The following CTNNA3 variants were observed in gnomAD, a reference collection of about 807,000 sequenced individuals.
CTNNA3 encodes catenin alpha 3, also known as catenin alpha-3.
In CTNNA3, 76 loss-of-function variants were observed where a neutral mutation model predicts 95.7. The observed-to-expected ratio is 0.79, with a 90% CI of 0.66 to 0.96. The LOEUF is 0.96. Ranked by LOEUF, CTNNA3 falls within the 40% of genes least tolerant of loss-of-function variation. The pLI is 0.00. For missense variants in CTNNA3, 1,191 were observed against 1,089.8 expected (o/e 1.09, Z -1.31); for synonymous variants, 431 against 374.4 (o/e 1.15, Z -1.74).
At chr10:67,435,043 T>C (rs937757657) in intron 5 of CTNNA3, among the ~76,000 whole-genome samples, 3 of 152,064 alleles carry the variant, frequency 2.0e-5, no homozygotes, top group East Asian at 1.9e-4. Flanking sequence ...CTGCTCCATG[T>C]TCTACAATTT....
chr10:67,633,505 T>C (rs980188152), intron 2 of CTNNA3, among the ~76,000 whole-genome samples: 2 of 152,146 alleles, frequency 1.3e-5, no homozygotes, highest in Non-Finnish European at 2.9e-5. Flanking sequence ...GTACCCCCAC[T>C]GGGACAGAGC....
At chr10:67,018,480 C>T (rs1350230979) in intron 7 of CTNNA3, among the ~76,000 whole-genome samples, 1 of 152,174 alleles carries the variant, frequency 6.6e-6, no homozygotes, top group Admixed American at 6.5e-5. Flanking sequence ...CATAAAAAAT[C>T]TAGTACAACT....
chr10:67,288,894 T>C (rs1839712539), intron 5 of CTNNA3, among the ~76,000 whole-genome samples: 1 of 151,866 alleles, frequency 6.6e-6, no homozygotes. Flanking sequence ...AACCCAGGAG[T>C]TCAAGGTTAT....
chr10:66,726,358 A>G (rs964579133), intron 9 of CTNNA3, among the ~76,000 whole-genome samples: 3 of 152,100 alleles, frequency 2.0e-5, no homozygotes, highest in African/African-American at 7.2e-5. Flanking sequence ...CAACTTATTA[A>G]TACATAAAAT....
chr10:66,201,051 T>C (rs2087369188), intron 13 of CTNNA3, among the ~76,000 whole-genome samples: 1 of 152,190 alleles, frequency 6.6e-6, no homozygotes, highest in Non-Finnish European at 1.5e-5. Context: ...TAACAGCACT[T>C]ATCACTCAGT....
At chr10:67,530,173 T>C (rs984660262) in intron 4 of CTNNA3, among the ~76,000 whole-genome samples, 2 of 152,166 alleles carry the variant, frequency 1.3e-5, no homozygotes, top group African/African-American at 4.8e-5. Flanking sequence ...ACTAATACAG[T>C]AAATTGGTAC....
intron 7 of CTNNA3, among the ~76,000 whole-genome samples, chr10:67,137,711 G>C (rs760837737): frequency 2.6e-5 from 4 of 151,858 alleles, no homozygotes; most frequent in Non-Finnish European, 5.9e-5. Flanking sequence ...AATTGTGTAG[G>C]CTTGGTAAAG....
intron 9 of CTNNA3, among the ~76,000 whole-genome samples, chr10:66,702,943 C>T (rs1350748843): frequency 2.6e-5 from 4 of 152,068 alleles, no homozygotes; most frequent in Non-Finnish European, 5.9e-5. Context: ...ACTATTATCA[C>T]AATCAACTTG....
At chr10:66,404,259 G>A (rs2093040660) in intron 11 of CTNNA3, among the ~76,000 whole-genome samples, 1 of 152,028 alleles carries the variant, frequency 6.6e-6, no homozygotes, top group African/African-American at 2.4e-5. Context: ...CCACCAAATT[G>A]TCCATTAAAA....
intron 12 of CTNNA3, among the ~76,000 whole-genome samples, chr10:66,360,635 C>CTTTCTTTCTTTCTTCCTTCCTTCCTTCCT (rs1564895970): frequency 5.2e-4 from 29 of 55,398 alleles, no homozygotes; most frequent in African/African-American, 1.5e-3. Flanking sequence ...TTCTTTCTTT[C>CTTTCTTTCTTTCTTCCTTCCTTCCTTCCT]TTTCTTTCTT....
At chr10:66,118,440 CAT>C (rs995444988) in intron 13 of CTNNA3, 3 of 152,190 alleles carry the variant, frequency 2.0e-5, no homozygotes, top group African/African-American at 7.2e-5. Context: ...CTAATAATAA[CAT>C]ATACTATTCT....
At position 67,460,442 on chromosome 10, in the gene CTNNA3, A is replaced by C. The variant is rs540858539; in HGVS notation, c.579+61400T>G. Among the ~76,000 whole-genome samples, 3 of 152,312 alleles carry C rather than the reference A, an allele frequency of 2.0e-5. No individual in the cohort carries two copies. In the South Asian group the frequency reaches 6.2e-4, roughly 32 times the overall value. ...TTTTAAAAATTAAATAAATTTGCCC[A>C]AGTGATTTTTTGTAGTTGACAATCC... is the stretch of plus-strand genomic sequence containing the variant. On this transcript the variant is annotated intron_variant, in intron 5 of 17. Coordinates refer to ENST00000433211, the MANE Select transcript of CTNNA3 (RefSeq NM_013266.4).
intron 3 of CTNNA3, among the ~76,000 whole-genome samples, chr10:67,568,089 G>A (rs1270585205): frequency 6.6e-6 from 1 of 152,056 alleles, no homozygotes; most frequent in East Asian, 1.9e-4. Context: ...TCTCTCCCTT[G>A]TGAGTAGTAA....
chr10:67,098,788 T>C (rs1858162685), intron 7 of CTNNA3: 1 of 151,954 alleles, frequency 6.6e-6, no homozygotes, highest in East Asian at 1.9e-4. Flanking sequence ...TGCATAATAA[T>C]TGTACAGTAG....
chr10:66,335,406 T>G (rs1554937332), intron 12 of CTNNA3, among the ~76,000 whole-genome samples: 1 of 152,118 alleles, frequency 6.6e-6, no homozygotes, highest in African/African-American at 2.4e-5. Flanking sequence ...AGATGGTGTT[T>G]TGGTGTGGAT....
At chr10:65,994,885 A>C (rs1261086875) in intron 15 of CTNNA3, among the ~76,000 whole-genome samples, 3 of 152,126 alleles carry the variant, frequency 2.0e-5, no homozygotes, top group African/African-American at 7.2e-5. Flanking sequence ...AAGTTATTTA[A>C]AAAATCCTTT....
At chr10:67,716,730 A>C (rs1051186447) in intron 1 of CTNNA3, among the ~76,000 whole-genome samples, 2 of 152,152 alleles carry the variant, frequency 1.3e-5, no homozygotes, top group Non-Finnish European at 2.9e-5. Flanking sequence ...ATTGATGGGC[A>C]TTTGGGTTAG....
chr10:67,759,134 T>C (rs771560801), intron 1 of CTNNA3, among the ~76,000 whole-genome samples: 36 of 152,212 alleles, frequency 2.4e-4, no homozygotes, highest in Admixed American at 7.9e-4. Context: ...AGTACGGTCA[T>C]TTGCAATGCA....
At chr10:67,045,798 T>C (rs1446963418) in intron 7 of CTNNA3, among the ~76,000 whole-genome samples, 2 of 152,174 alleles carry the variant, frequency 1.3e-5, no homozygotes, top group Non-Finnish European at 2.9e-5. Context: ...AATTACTCTA[T>C]ACCACATTGC....
Sources: allele counts gnomAD v4.1 joint callset (sites outside exome capture counted in the v4.1 genomes callset), GRCh38; gene constraint gnomAD v4.1.1; transcripts MANE v1.5; gene names NCBI Gene and HGNC (gene_info 2026-07-23, HGNC 2026-07-21).